KLRG1: variants seen among roughly 807,000 people sequenced by gnomAD.
The protein encoded by KLRG1 is killer cell lectin like receptor G1, also known as killer cell lectin-like receptor subfamily G member 1.
In KLRG1, 16 loss-of-function variants were observed where a neutral mutation model predicts 21.8. That is an observed-to-expected ratio of 0.73 (90% CI 0.50 to 1.11). The LOEUF (loss-of-function observed/expected upper bound fraction) is 1.11. KLRG1 is among the 50% of genes most tolerant of loss of function. The pLI, the probability that KLRG1 is intolerant of heterozygous loss-of-function variation, is 0.00. For synonymous variants in KLRG1, 69 were observed against 75.9 expected (o/e 0.91, Z 0.47); for missense variants, 173 against 218.3 (o/e 0.79, Z 1.31).
At chr12:9,166,274 G>A in the KLRG1 span, 4 of 1,503,998 alleles carry the variant, frequency 2.7e-6, no homozygotes, top group Non-Finnish European at 1.8e-6. Flanking sequence ...TGAGACGTTA[G>A]AGAACAAAAT....
At chr12:8,990,660 T>C (rs1451044938) in intron 1 of KLRG1, among the ~76,000 whole-genome samples, 7 of 152,148 alleles carry the variant, frequency 4.6e-5, no homozygotes, top group Non-Finnish European at 2.9e-5. Context: ...TTAGAAGTAA[T>C]GCATATCTCA....
At chr12:9,193,661 T>C in the KLRG1 span, among the ~76,000 whole-genome samples, 5 of 152,190 alleles carry the variant, frequency 3.3e-5, no homozygotes, top group African/African-American at 1.2e-4. Context: ...ATAACAAGCA[T>C]GAAAACTTTT....
the KLRG1 span, chr12:9,090,437 C>T: frequency 3.7e-6 from 6 of 1,613,908 alleles, no homozygotes; most frequent in Admixed American, 3.3e-5. Flanking sequence ...TCCTTCTCCA[C>T]TGGGACAGCT....
chr12:9,067,223 T>G, the KLRG1 span: 1 of 155,612 alleles, frequency 6.4e-6, no homozygotes, highest in Non-Finnish European at 1.4e-5. Context: ...GAATCCTCCC[T>G]TCATTATTTT....
the KLRG1 span, among the ~76,000 whole-genome samples, chr12:9,181,742 G>T: frequency 1.3e-5 from 2 of 152,138 alleles, no homozygotes; most frequent in Non-Finnish European, 2.9e-5. Flanking sequence ...AACTGAATCA[G>T]CAGAGAAGAG....
At chr12:9,181,973 A>T in the KLRG1 span, 10 of 1,612,632 alleles carry the variant, frequency 6.2e-6, no homozygotes, top group Middle Eastern at 1.6e-4. Context: ...TAAATCGCTC[A>T]CCTTGTTGGC....
chr12:9,101,651 G>A, the KLRG1 span: 1 of 1,613,476 alleles, frequency 6.2e-7, no homozygotes. Context: ...AGCCGTAACA[G>A]GGACTACGAT....
the KLRG1 span, among the ~76,000 whole-genome samples, chr12:9,040,385 G>A: frequency 6.6e-6 from 1 of 152,152 alleles, no homozygotes; most frequent in African/African-American, 2.4e-5. Flanking sequence ...TTAGTATTCT[G>A]TAGGACCCAT....
At chr12:9,090,060 C>G in the KLRG1 span, 1 of 1,570,274 alleles carries the variant, frequency 6.4e-7, no homozygotes. Context: ...ATAGCATCTT[C>G]CCCTTCCTCC....
At chr12:9,023,383 T>C in the KLRG1 span, among the ~76,000 whole-genome samples, 8 of 152,056 alleles carry the variant, frequency 5.3e-5, no homozygotes, top group African/African-American at 1.4e-4. Flanking sequence ...GAGAAACAGA[T>C]TTTGGTGTTT....
the KLRG1 span, among the ~76,000 whole-genome samples, chr12:9,178,761 C>T: frequency 6.6e-6 from 1 of 152,168 alleles, no homozygotes; most frequent in African/African-American, 2.4e-5. Flanking sequence ...TCATTGGGTT[C>T]AGTGCTATCC....
chr12:9,063,597 A>G, the KLRG1 span, among the ~76,000 whole-genome samples: 1 of 152,150 alleles, frequency 6.6e-6, no homozygotes, highest in Non-Finnish European at 1.5e-5. Context: ...CTGGTGGGAA[A>G]TCCAGTTTAA....
At chr12:9,203,704 A>C in the KLRG1 span, 2 of 1,559,874 alleles carry the variant, frequency 1.3e-6, no homozygotes, top group Non-Finnish European at 1.8e-6. Flanking sequence ...CTCCATCACC[A>C]TGACCTATAG....
At chr12:9,161,512 T>G in the KLRG1 span, among the ~76,000 whole-genome samples, 1 of 152,186 alleles carries the variant, frequency 6.6e-6, no homozygotes, top group Non-Finnish European at 1.5e-5. Flanking sequence ...TTAACTATAT[T>G]TTTGCATGGC....
chr12:9,212,386 A>G, the KLRG1 span, among the ~76,000 whole-genome samples: 2 of 152,214 alleles, frequency 1.3e-5, no homozygotes, highest in Non-Finnish European at 1.5e-5. Context: ...CTTAGACTGC[A>G]TCATAGAGGA....
At chr12:9,181,116 C>A in the KLRG1 span, 2 of 1,614,110 alleles carry the variant, frequency 1.2e-6, no homozygotes, top group Middle Eastern at 1.7e-4. Context: ...TTGTGCTGGG[C>A]TGAAGCTCAA....
chr12:9,054,062 C>T, the KLRG1 span, among the ~76,000 whole-genome samples: 1 of 152,142 alleles, frequency 6.6e-6, no homozygotes, highest in Non-Finnish European at 1.5e-5. Flanking sequence ...GCTCTGTGAA[C>T]GTTAAACCCT....
the KLRG1 span, chr12:9,194,004 G>T: frequency 1.5e-6 from 2 of 1,364,730 alleles, no homozygotes; most frequent in Non-Finnish European, 2.0e-6. Flanking sequence ...AATGCAATCT[G>T]TACATTTCTT....
At chr12:8,959,009 A>G (rs922957383) in intron 1 of KLRG1, among the ~76,000 whole-genome samples, 1 of 152,218 alleles carries the variant, frequency 6.6e-6, no homozygotes, top group Non-Finnish European at 1.5e-5. Flanking sequence ...GAAGTCTAAT[A>G]TGGTTGACTC....
Sources: allele counts gnomAD v4.1 joint callset (sites outside exome capture counted in the v4.1 genomes callset), GRCh38; gene constraint gnomAD v4.1.1; transcripts MANE v1.5; gene names NCBI Gene and HGNC (gene_info 2026-07-23, HGNC 2026-07-21).